The following HYI variants were observed in gnomAD, a reference collection of about 807,000 sequenced individuals.
HYI encodes the protein hydroxypyruvate isomerase (putative).
In HYI, 47 loss-of-function variants were observed where a neutral mutation model predicts 39.7. That is an observed-to-expected ratio of 1.18 (90% CI 0.94 to 1.51). The LOEUF is 1.51. Ranked by LOEUF, HYI falls within the 40% of genes most tolerant of loss-of-function variation. The pLI is 0.00. For synonymous variants in HYI, 186 were observed against 158.8 expected (o/e 1.17, Z -1.29); for missense variants, 465 against 370.3 (o/e 1.26, Z -2.10).
Position 43,453,823 on chromosome 1 carries a change from G to C in HYI, c.-30C>G. ...GGGGAGGCCGGGCCGGGCGGAGTCCGCGGGATCCAAAGGCGGCGGGCGGCG... is the reference window on the plus strand; with the variant it reads ...GGGGAGGCCGGGCCGGGCGGAGTCCCCGGGATCCAAAGGCGGCGGGCGGCG... On this transcript the variant is annotated 5_prime_UTR_variant, in exon 1 of 8. Coordinates refer to ENST00000372430, the MANE Select transcript of HYI (RefSeq NM_001190880.3). The C allele has an allele frequency of 8.1e-7, 1 of 1,236,646 alleles. No homozygotes were observed. Among genetic ancestry groups the C allele is most frequent in the South Asian group, 3.6e-5 (1 of 27,914 alleles). 76.6% of individuals were successfully genotyped at this position (1,236,646 alleles called of 1,614,324 possible). A position where few individuals can be genotyped will look rare whatever the true frequency, so the allele number is the denominator to read the frequency against.
chr1:43,452,357 G>T, intron 2 of HYI, 38 bp from the exon 3 acceptor site: 1 of 1,499,700 alleles, frequency 6.7e-7, no homozygotes, highest in African/African-American at 1.4e-5. Flanking sequence ...GCCTCCCTTG[G>T]CTCTCTCTGC....
intron 5 of HYI, 28 bp downstream of exon 5, chr1:43,451,770 G>T (rs367654718): frequency 5.0e-6 from 8 of 1,613,798 alleles, no homozygotes; most frequent in African/African-American, 2.7e-5. Context: ...CCCTCCTTCC[G>T]ATCTGCGAAG....
intron 6 of HYI, 34 bp from the exon 7 acceptor site, chr1:43,451,578 G>T: frequency 1.9e-6 from 3 of 1,613,554 alleles, no homozygotes; most frequent in Non-Finnish European, 2.5e-6. Flanking sequence ...TGGGGTCCAG[G>T]CTCCTGCCAG....
chr1:43,451,620 G>C, intron 6 of HYI, 28 bp downstream of exon 6: 7 of 1,614,068 alleles, frequency 4.3e-6, no homozygotes, highest in Non-Finnish European at 5.9e-6. Flanking sequence ...GATTGAAAGG[G>C]TGGGAGGGCA....
In HYI at chr1:43,451,825, T is replaced by C. The variant is rs1259570327; in HGVS notation, c.528A>G (p.Val176=). ...PQQAAAILQK[V]GRPNLQLQMD... is the part of the protein sequence containing the mutation. ...TTTGTAATTGGAGGTTGGGTCTTCC[T>C]ACCTTCTGTAAGATGGCTGCCGCTG... is the stretch of plus-strand genomic sequence containing the variant. The change falls in exon 5 of 8, where the codon GTA becomes GTG. Residue 176 remains valine (V), a synonymous_variant. Transcript: ENST00000372430. 16 of 1,614,048 alleles carry C rather than the reference T, an allele frequency of 9.9e-6. No individual in the cohort carries two copies. The highest frequency in any genetic ancestry group is 1.4e-5 in the Non-Finnish European group (16 of 1,179,966).
intron 1 of HYI, 41 bp downstream of exon 1, chr1:43,453,554 G>A (rs1402818178): frequency 2.0e-6 from 3 of 1,518,046 alleles, no homozygotes; most frequent in East Asian, 2.5e-5. Context: ...CCGCGCCCCG[G>A]CACCCCCCAG....
At chr1:43,452,073 A>G in intron 3 of HYI, 60 bp from the exon 4 acceptor site, 1 of 1,554,782 alleles carries the variant, frequency 6.4e-7, no homozygotes, top group South Asian at 1.2e-5. Flanking sequence ...CCCATCAGTC[A>G]GTCACTGGTC....
chr1:43,452,518 A>G, intron 2 of HYI, 199 bp from the exon 3 acceptor site: 1 of 674,122 alleles, frequency 1.5e-6, no homozygotes, highest in African/African-American at 1.8e-5. Flanking sequence ...CAGACATCTC[A>G]GTGTCCACCC....
At position 43,453,865 on chromosome 1, in the gene HYI, C is replaced by CG. The variant is rs1656753159; in HGVS notation, c.-73dup. 4.5e-6 allele frequency: 4 copies of CG among 888,254 alleles called. No individual in the cohort carries two copies. The highest frequency in any genetic ancestry group is 4.4e-6 in the Non-Finnish European group (3 of 684,766). The allele number at this position is 888,254 out of a possible 1,614,324, so 55.0% of individuals were successfully genotyped here. A position where few individuals can be genotyped will look rare whatever the true frequency, so the allele number is the denominator to read the frequency against. ...CGGGCGGCGGGCGGCGGGCGGCGGG[C>CG]GGGGGCGGGGCTCTCCTTGCTGGCC... On this transcript the variant is annotated 5_prime_UTR_variant, in exon 1 of 8. Transcript: ENST00000372430.
chr1:43,453,253 G>C (rs969594427), intron 2 of HYI, 133 bp downstream of exon 2: 1 of 667,786 alleles, frequency 1.5e-6, no homozygotes, highest in East Asian at 2.7e-5. Context: ...ATTTACAAAG[G>C]ACCAGGACCG....
At chr1:43,453,160 C>CTCCCAGCATGGGA (rs1210245150) in intron 2 of HYI, 3 of 661,150 alleles carry the variant, frequency 4.5e-6, no homozygotes, top group Non-Finnish European at 5.4e-6. Flanking sequence ...GCAGACTGAG[C>CTCCCAGCATGGGA]TCCCAGCATG....
chr1:43,453,760 A>G lies in HYI; in HGVS notation c.34T>C (p.Trp12Arg), dbSNP rs1361249403. The G allele has an allele frequency of 2.3e-6, 3 of 1,316,178 alleles. No individual in the cohort carries two copies. The highest frequency in any genetic ancestry group is 4.6e-5 in the South Asian group (2 of 43,788). 81.5% of individuals were successfully genotyped at this position (1,316,178 alleles called of 1,614,324 possible). A position where few individuals can be genotyped will look rare whatever the true frequency, so the allele number is the denominator to read the frequency against. ...AGGCCGGAGAGCTCGGGGAATAGCC[A>G]GGACAGATTGGCGGAGAAGCGCAGC... is the stretch of plus-strand genomic sequence containing the variant. ...APLRFSANLS[W>R]LFPELSGLPA... Residue 12 changes from tryptophan (W) to arginine (R), a missense_variant, in exon 1 of 8, where the codon TGG (tryptophan) becomes CGG (arginine). By Grantham distance (101) the Trp-to-Arg change is moderately radical. Coordinates refer to ENST00000372430, the MANE Select transcript of HYI (RefSeq NM_001190880.3).
Position 43,451,704 on chromosome 1 carries a change from C to T in HYI, c.569G>A (p.Trp190Ter), listed in dbSNP as rs779049091. 1.2e-6 allele frequency: 2 copies of T among 1,614,152 alleles called. No homozygotes were observed. The highest frequency in any genetic ancestry group is 2.2e-5 in the South Asian group (2 of 91,076). The change falls in exon 6 of 8, where the codon TGG (tryptophan) becomes TAG (stop). Residue 190 changes from tryptophan (W) to a stop codon, truncating the protein, a stop_gained. Coordinates refer to ENST00000372430, the MANE Select transcript of HYI (RefSeq NM_001190880.3). LOFTEE classifies it high-confidence loss of function. The stretch of plus-strand genomic sequence containing the variant: ...TGTCAGGTTCCCATCCATGATCTGC[C>T]AGTGGAATATGTCCTAGGGAAGAGG... ...NLQLQMDIFH[W>*]QIMDGNLTGN...
At position 43,453,645 on chromosome 1, in the gene HYI, C is replaced by T; in HGVS notation, c.149G>A (p.Arg50His). ...CCGCAGCCCCGCTTCTCGCGCGGCG[C>T]GCGCCAGCGCCTCAGGCGTCTCCGC... ...PYAETPEALARAAREAGLRLV... is the reference protein window; with the variant it reads ...PYAETPEALAHAAREAGLRLV... Residue 50 changes from arginine to histidine, a missense_variant, in exon 1 of 8, where the codon CGC becomes CAC. By Grantham distance (29) the Arg-to-His change is conservative (BLOSUM62 0). Transcript: ENST00000372430. The T allele has an allele frequency of 6.7e-7, 1 of 1,490,540 alleles. No individual in the cohort carries two copies. The highest frequency in any genetic ancestry group is 8.9e-7 in the Non-Finnish European group (1 of 1,127,432). The allele number at this position is 1,490,540 out of a possible 1,614,324, so 92.3% of individuals were successfully genotyped here. A position where few individuals can be genotyped will look rare whatever the true frequency, so the allele number is the denominator to read the frequency against.
chr1:43,453,290 C>T (rs951561939), intron 2 of HYI, 96 bp downstream of exon 2: 2 of 815,360 alleles, frequency 2.5e-6, no homozygotes, highest in Non-Finnish European at 3.9e-6. Context: ...CCAGTGGGCT[C>T]AGACTTCTGA....
In HYI at chr1:43,453,612, A is replaced by G. The variant is rs1393829167; in HGVS notation, c.182T>C (p.Leu61Pro). ...CGACGCACCCGGGGGCGTGTTGATC[A>G]GTACAAGCCGCAGCCCCGCTTCTCG... ...AAREAGLRLV[L>P]INTPPGDQEK... The change falls in exon 1 of 8, where the codon CTG becomes CCG. Residue 61 changes from leucine (L) to proline (P), a missense_variant. Transcript: ENST00000372430. The G allele has an allele frequency of 8.7e-6, 13 of 1,496,706 alleles. No homozygotes were observed. Among genetic ancestry groups the G allele is most frequent in the Non-Finnish European group, 1.2e-5 (13 of 1,127,356 alleles). The allele number at this position is 1,496,706 out of a possible 1,614,324, so 92.7% of individuals were successfully genotyped here. A position where few individuals can be genotyped will look rare whatever the true frequency, so the allele number is the denominator to read the frequency against.
At chr1:43,452,395 C>A in intron 2 of HYI, 76 bp from the exon 3 acceptor site, 1 of 1,204,600 alleles carries the variant, frequency 8.3e-7, no homozygotes, top group Non-Finnish European at 1.2e-6. Context: ...CTGACTGTGC[C>A]AGCCCTCGTC....
Position 43,451,056 on chromosome 1 carries a change from G to A in HYI, c.*182C>T. 1 of 792,834 alleles carries A rather than the reference G, an allele frequency of 1.3e-6. No homozygotes were observed. The highest frequency in any genetic ancestry group is 1.3e-5 in the South Asian group (1 of 74,202). The allele number at this position is 792,834 out of a possible 1,614,324, so 49.1% of individuals were successfully genotyped here. On this transcript the variant is annotated 3_prime_UTR_variant, in exon 8 of 8. Coordinates refer to ENST00000372430, the MANE Select transcript of HYI (RefSeq NM_001190880.3). ...GTTCAGAAGCTCTCCCATCTTCACA[G>A]CAACCCTGGCACTGGCTTCTCAATG...
At chr1:43,450,812 C>T (rs747054096), downstream of HYI, 5 of 707,214 alleles carry the variant, frequency 7.1e-6, no homozygotes, top group Non-Finnish European at 1.3e-5. This position sits in a 1 kb window ranked among gnomAD's most constrained non-coding sequence, Gnocchi z 4.3. Flanking sequence ...CCCCCTAGAG[C>T]TCCTCTGCCT....
Sources: allele counts gnomAD v4.1 joint callset, GRCh38; gene constraint gnomAD v4.1.1; non-coding constraint Gnocchi (gnomAD v3.1); transcripts MANE v1.5; gene names NCBI Gene and HGNC (gene_info 2026-07-23, HGNC 2026-07-21).